PCDHA11: variants seen among roughly 807,000 people sequenced by gnomAD.
PCDHA11 encodes protocadherin alpha-11.
In PCDHA11, 61 loss-of-function variants were observed where a neutral mutation model predicts 70.3. That is an observed-to-expected ratio of 0.87 (90% CI 0.71 to 1.07). The LOEUF is 1.07. PCDHA11 is among the 50% of genes least tolerant of loss of function. The pLI is 0.00. For synonymous variants in PCDHA11, 633 were observed against 555.1 expected (o/e 1.14, Z -1.97); for missense variants, 1,324 against 1,237.5 (o/e 1.07, Z -1.05).
At chr5:140,888,286 C>A (rs1277980750) in intron 1 of PCDHA11, among the ~76,000 whole-genome samples, 7 of 152,080 alleles carry the variant, frequency 4.6e-5, no homozygotes, top group African/African-American at 1.7e-4. Context: ...TCCCCTCTAC[C>A]CCCTACCCAG....
intron 1 of PCDHA11, among the ~76,000 whole-genome samples, chr5:140,873,067 TATC>T (rs2054071448): frequency 1.3e-5 from 2 of 152,218 alleles, no homozygotes; most frequent in Admixed American, 1.3e-4. Flanking sequence ...TTGAGAATCA[TATC>T]TAGCTATTTC....
intron 1 of PCDHA11, among the ~76,000 whole-genome samples, chr5:140,954,810 A>C (rs1169811573): frequency 6.6e-6 from 1 of 151,948 alleles, no homozygotes; most frequent in Non-Finnish European, 1.5e-5. Context: ...CTTTTGTTGA[A>C]ATTGCTTTAG....
chr5:140,883,987 G>A (rs782597930), intron 1 of PCDHA11: 2 of 1,612,956 alleles, frequency 1.2e-6, no homozygotes, highest in East Asian at 2.2e-5. Flanking sequence ...CTGGCAGCGC[G>A]GGAGGCACAG....
chr5:140,870,435 G>A lies in PCDHA11; in HGVS notation c.1332G>A (p.Val444=). ...LWATARVSVE[V]ADVNDNAPAF... ...CCACGGCCAGGGTATCCGTGGAGGTGGCCGACGTGAACGACAATGCGCCTG... is the reference window on the plus strand; with the variant it reads ...CCACGGCCAGGGTATCCGTGGAGGTAGCCGACGTGAACGACAATGCGCCTG... Residue 444 remains valine, a synonymous_variant, in exon 1 of 4, where the codon GTG becomes GTA. Transcript: ENST00000398640. 1 of 1,614,252 alleles carries A rather than the reference G, an allele frequency of 6.2e-7. No homozygotes were observed. Among genetic ancestry groups the A allele is most frequent in the South Asian group, 1.1e-5 (1 of 91,088 alleles).
At chr5:140,940,645 A>G (rs1554213545) in intron 1 of PCDHA11, among the ~76,000 whole-genome samples, 1 of 152,156 alleles carries the variant, frequency 6.6e-6, no homozygotes, top group Non-Finnish European at 1.5e-5. Flanking sequence ...TCATTTATTT[A>G]TTTAAATATA....
chr5:140,914,852 C>T (rs2076867528), intron 1 of PCDHA11, among the ~76,000 whole-genome samples: 1 of 151,838 alleles, frequency 6.6e-6, no homozygotes, highest in Non-Finnish European at 1.5e-5. Flanking sequence ...AAAAGGAAGA[C>T]TAATAAAAGT....
chr5:141,009,938 G>T lies in PCDHA11; in HGVS notation c.*1G>T, dbSNP rs781826815. The T allele has an allele frequency of 6.6e-5, 106 of 1,600,570 alleles. No individual in the cohort carries two copies. The highest frequency in any genetic ancestry group is 8.9e-5 in the Non-Finnish European group (105 of 1,175,516). ...CACGACTGACAACAGTGACCAGTGA[G>T]GTCCTCAAATGGAAACAAGCCACTT... On this transcript the variant is annotated 3_prime_UTR_variant, in exon 4 of 4. Coordinates refer to ENST00000398640, the MANE Select transcript of PCDHA11 (RefSeq NM_018902.5).
At chr5:140,880,620 A>C (rs2058397773) in intron 1 of PCDHA11, among the ~76,000 whole-genome samples, 1 of 152,170 alleles carries the variant, frequency 6.6e-6, no homozygotes, top group Non-Finnish European at 1.5e-5. Context: ...AAGAGGGAGG[A>C]GTTAATTATC....
chr5:140,870,718 G>C lies in PCDHA11; in HGVS notation c.1615G>C (p.Ala539Pro), dbSNP rs2052330987. 2 of 1,613,062 alleles carry C rather than the reference G, an allele frequency of 1.2e-6. No individual in the cohort carries two copies. ...LLQFQVSARD[A>P]GVPPLSSNVT... Reference sequence around the variant, plus strand: ...ACAGTTCCAGGTGAGCGCGCGCGATGCGGGCGTGCCGCCTCTGAGCAGCAA... The same window carrying C: ...ACAGTTCCAGGTGAGCGCGCGCGATCCGGGCGTGCCGCCTCTGAGCAGCAA... Residue 539 changes from alanine to proline, a missense_variant, in exon 1 of 4, where the codon GCG (alanine) becomes CCG (proline). Transcript: ENST00000398640.
rs182070121 is a variant in PCDHA11, at chr5:140,953,927, G to A, written c.2392-25022G>A. On this transcript the variant is annotated intron_variant, in intron 1 of 3. Coordinates refer to ENST00000398640, the MANE Select transcript of PCDHA11 (RefSeq NM_018902.5). ...GCATCCATTAGGTATTCTTCCTGAT[G>A]CTCTCCCTCCCATTGCTCCCCCAAC... Among the ~76,000 whole-genome samples the A allele has an allele frequency of 2.1e-3, 313 of 152,142 alleles. 1 individual carries two copies. The highest frequency in any genetic ancestry group is 7.1e-3 in the African/African-American group (295 of 41,500).
intron 1 of PCDHA11, chr5:140,882,828 A>T: frequency 6.2e-7 from 1 of 1,614,226 alleles, no homozygotes; most frequent in Non-Finnish European, 8.5e-7. Context: ...AACAGTCTTG[A>T]GCAAATGTCT....
At chr5:140,874,111 G>A (rs977519429) in intron 1 of PCDHA11, among the ~76,000 whole-genome samples, 2 of 152,174 alleles carry the variant, frequency 1.3e-5, no homozygotes, top group African/African-American at 2.4e-5. Flanking sequence ...ATTACTTAAC[G>A]TTTTATAGTT....
intron 1 of PCDHA11, chr5:140,968,773 A>G (rs528972800): frequency 4.3e-6 from 7 of 1,614,206 alleles, no homozygotes; most frequent in Non-Finnish European, 5.1e-6. Flanking sequence ...GAGAGCCATC[A>G]CTATCAGCCT....
At chr5:140,934,729 T>G (rs2090016432) in intron 1 of PCDHA11, among the ~76,000 whole-genome samples, 1 of 152,164 alleles carries the variant, frequency 6.6e-6, no homozygotes, top group Non-Finnish European at 1.5e-5. Context: ...CAAGGCCTTT[T>G]TTAGGTGTCA....
At chr5:140,927,212 T>C (rs150770754) in intron 1 of PCDHA11, 20 of 1,614,012 alleles carry the variant, frequency 1.2e-5, no homozygotes, top group African/African-American at 1.1e-4. Flanking sequence ...CCGCTGGAGC[T>C]GCACAAGATT....
intron 1 of PCDHA11, among the ~76,000 whole-genome samples, chr5:140,939,880 G>T (rs2092484713): frequency 6.6e-6 from 1 of 152,140 alleles, no homozygotes; most frequent in African/African-American, 2.4e-5. Context: ...TTTGCTAGTT[G>T]TGTTGTTCAA....
chr5:140,966,937 C>T (rs2096072123), intron 1 of PCDHA11: 6 of 1,604,032 alleles, frequency 3.7e-6, no homozygotes, highest in Non-Finnish European at 5.1e-6. Flanking sequence ...CCGGCGCGCT[C>T]GTGGGCAACG....
intron 1 of PCDHA11, among the ~76,000 whole-genome samples, chr5:140,902,760 T>G (rs887357298): frequency 1.4e-4 from 22 of 152,038 alleles, no homozygotes; most frequent in African/African-American, 5.3e-4. Context: ...ATCATTCTTA[T>G]GTCTTTGCAT....
At chr5:140,908,049 G>A (rs563362239) in intron 1 of PCDHA11, among the ~76,000 whole-genome samples, 19 of 152,210 alleles carry the variant, frequency 1.2e-4, no homozygotes, top group Admixed American at 1.0e-3. Flanking sequence ...TTGCACATCC[G>A]GCCATTTCTC....
Sources: allele counts gnomAD v4.1 joint callset (sites outside exome capture counted in the v4.1 genomes callset), GRCh38; gene constraint gnomAD v4.1.1; transcripts MANE v1.5; gene names NCBI Gene and HGNC (gene_info 2026-07-23, HGNC 2026-07-21).